Variants in SLCO1A2 observed in about 807,000 individuals in gnomAD.
The protein encoded by SLCO1A2 is OATP-1.
A neutral mutation model predicts 69.0 loss-of-function variants in SLCO1A2; 67 were observed. The ratio of observed to expected loss-of-function variants is 0.97; its 90% CI spans 0.80 to 1.19. SLCO1A2 has a LOEUF of 1.19. SLCO1A2 is among the 50% of genes most tolerant of loss of function. SLCO1A2 has a pLI of 0.00. For missense variants in SLCO1A2, 787 were observed against 793.7 expected (o/e 0.99, Z 0.10); for synonymous variants, 260 against 265.9 (o/e 0.98, Z 0.22).
intron 5 of SLCO1A2, among the ~76,000 whole-genome samples, chr12:21,306,529 G>A (rs1949417872): frequency 6.6e-6 from 1 of 152,102 alleles, no homozygotes; most frequent in Admixed American, 6.6e-5. Flanking sequence ...GTTTCACCAT[G>A]TTGGCCAGGC....
At chr12:21,355,101 A>G (rs1287769195) in intron 2 of SLCO1A2, 1 of 152,192 alleles carries the variant, frequency 6.6e-6, no homozygotes, top group Middle Eastern at 3.2e-3. Flanking sequence ...ATACAAAGAT[A>G]CTACTTTTCT....
chr12:21,325,641 T>C (rs1440554317), intron 2 of SLCO1A2, among the ~76,000 whole-genome samples: 2 of 152,196 alleles, frequency 1.3e-5, no homozygotes, highest in East Asian at 3.9e-4. Flanking sequence ...CCCTTTAATG[T>C]TGGAGGATCA....
intron 2 of SLCO1A2, among the ~76,000 whole-genome samples, chr12:21,342,715 T>C (rs1206209752): frequency 6.6e-6 from 1 of 152,078 alleles, no homozygotes; most frequent in Non-Finnish European, 1.5e-5. Context: ...TCTACAAGCA[T>C]ATCGATCTAA....
intron 1 of SLCO1A2, among the ~76,000 whole-genome samples, chr12:21,376,824 T>G (rs1489411707): frequency 2.0e-5 from 3 of 152,076 alleles, no homozygotes; most frequent in African/African-American, 2.4e-5. Context: ...CTCCTGGACA[T>G]TGAGTTTTTA....
chr12:21,375,977 G>A (rs1013417464), intron 1 of SLCO1A2, among the ~76,000 whole-genome samples: 3 of 152,068 alleles, frequency 2.0e-5, no homozygotes, highest in Non-Finnish European at 4.4e-5. Flanking sequence ...CCATCCTAAA[G>A]ATTGCTTTAG....
chr12:21,300,856 T>C (rs924090134), intron 7 of SLCO1A2, among the ~76,000 whole-genome samples: 26 of 152,204 alleles, frequency 1.7e-4, no homozygotes, highest in African/African-American at 6.3e-4. Context: ...TTCTATTTCA[T>C]CATCAACAAA....
At chr12:21,351,012 A>G (rs1392787647) in intron 2 of SLCO1A2, among the ~76,000 whole-genome samples, 1 of 152,086 alleles carries the variant, frequency 6.6e-6, no homozygotes. Flanking sequence ...AGAGATTCAG[A>G]TATATTAATT....
At chr12:21,408,713 C>CGT (rs3060712) in intron 1 of SLCO1A2, among the ~76,000 whole-genome samples, 3,243 of 150,240 alleles carry the variant, frequency 0.022, 42 homozygotes, top group East Asian at 0.057. Context: ...TCAGCGCATG[C>CGT]GTGTGTGTGT....
intron 1 of SLCO1A2, among the ~76,000 whole-genome samples, chr12:21,389,139 G>A (rs10841801): frequency 0.16 from 23,707 of 152,014 alleles, 2,045 homozygotes; most frequent in East Asian, 0.38. Context: ...ATGAGTTAGG[G>A]TCACTGTGAC....
At chr12:21,408,042 G>C (rs748220568) in intron 1 of SLCO1A2, among the ~76,000 whole-genome samples, 5 of 152,076 alleles carry the variant, frequency 3.3e-5, no homozygotes, top group Non-Finnish European at 7.4e-5. Context: ...TTTCTATAGG[G>C]GGAATGTTTA....
chr12:21,355,107 T>C (rs1938260377), intron 2 of SLCO1A2: 1 of 152,170 alleles, frequency 6.6e-6, no homozygotes, highest in South Asian at 2.1e-4. Context: ...AGATACTACT[T>C]TTCTTTATCA....
chr12:21,302,000 A>G (rs1027131265), intron 6 of SLCO1A2, among the ~76,000 whole-genome samples: 6 of 152,058 alleles, frequency 3.9e-5, no homozygotes, highest in African/African-American at 1.4e-4. Flanking sequence ...TGCCTTCTCC[A>G]TGGTTCTTGG....
chr12:21,289,872 T>C (rs1171701672), intron 12 of SLCO1A2, among the ~76,000 whole-genome samples: 1 of 152,114 alleles, frequency 6.6e-6, no homozygotes. Flanking sequence ...GCAAAGTCTA[T>C]GCAGATAGCA....
chr12:21,378,307 C>G (rs369714240), intron 1 of SLCO1A2: 58 of 1,614,046 alleles, frequency 3.6e-5, no homozygotes, highest in Middle Eastern at 3.3e-4. Flanking sequence ...TTTTTTAGTT[C>G]ATTCCAGCAA....
At chr12:21,371,670 G>T (rs1314047153) in intron 2 of SLCO1A2, among the ~76,000 whole-genome samples, 2 of 152,186 alleles carry the variant, frequency 1.3e-5, no homozygotes, top group African/African-American at 4.8e-5. Flanking sequence ...ACACTAAGTT[G>T]TTCTATTAAT....
chr12:21,290,356 T>C (rs1280926293), intron 12 of SLCO1A2, among the ~76,000 whole-genome samples: 1 of 151,910 alleles, frequency 6.6e-6, no homozygotes, highest in East Asian at 1.9e-4. Context: ...AAAGAAAGAA[T>C]AAAGGAAAAG....
At chr12:21,378,111 A>G in intron 1 of SLCO1A2, 1 of 831,758 alleles carries the variant, frequency 1.2e-6, no homozygotes, top group African/African-American at 1.7e-5. Context: ...GCAAACCAAA[A>G]CACTGAGTTA....
intron 12 of SLCO1A2, among the ~76,000 whole-genome samples, chr12:21,285,843 T>A (rs1462486494): frequency 1.3e-5 from 2 of 152,064 alleles, no homozygotes; most frequent in African/African-American, 4.8e-5. Flanking sequence ...AAATTAGGTA[T>A]TGATGGGACG....
chr12:21,401,828 G>A lies in SLCO1A2; in HGVS notation c.-312+16054C>T, dbSNP rs954031057. Among the ~76,000 whole-genome samples the A allele has an allele frequency of 4.1e-4, 62 of 151,490 alleles. 1 individual carries two copies. The highest frequency in any genetic ancestry group is 4.0e-3 in the Admixed American group (61 of 15,194). On this transcript the variant is annotated intron_variant, in intron 1 of 4. Coordinates refer to the SLCO1A2 transcript ENST00000413682. ...AATGTACTAGTTACTGTACAAAACTGAGTTTATAACTGTATCCAATATAAA... is the reference window on the plus strand; with the variant it reads ...AATGTACTAGTTACTGTACAAAACTAAGTTTATAACTGTATCCAATATAAA...
Sources: allele counts gnomAD v4.1 joint callset (sites outside exome capture counted in the v4.1 genomes callset), GRCh38; gene constraint gnomAD v4.1.1; transcripts MANE v1.5; gene names NCBI Gene and HGNC (gene_info 2026-07-23, HGNC 2026-07-21).